NOX4: variants seen among roughly 807,000 people sequenced by gnomAD.
The protein encoded by NOX4 is NADPH oxidase 4.
In NOX4, 69 loss-of-function variants were observed where a neutral mutation model predicts 87.6. The observed-to-expected ratio is 0.79, with a 90% CI of 0.65 to 0.96. NOX4 has a LOEUF of 0.96. NOX4 is among the 40% of genes least tolerant of loss of function. NOX4 has a pLI of 0.00. For synonymous variants in NOX4, 275 were observed against 238.2 expected (o/e 1.15, Z -1.42); for missense variants, 680 against 681.5 (o/e 1.00, Z 0.02).
chr11:89,337,581 T>C (rs1338436599), intron 15 of NOX4, 66 bp from the exon 16 acceptor site: 55 of 1,592,340 alleles, frequency 3.5e-5, no homozygotes, highest in Non-Finnish European at 4.4e-5. Context: ...TTTCTCCTAT[T>C]CTAACATACT....
At chr11:89,539,250 G>A in the NOX4 span, among the ~76,000 whole-genome samples, 19 of 152,018 alleles carry the variant, frequency 1.2e-4, no homozygotes, top group African/African-American at 4.1e-4. Flanking sequence ...TGGCTAACAC[G>A]ATGAAAACCC....
intron 8 of NOX4, among the ~76,000 whole-genome samples, chr11:89,413,717 T>C (rs1039704569): frequency 6.6e-6 from 1 of 152,018 alleles, no homozygotes; most frequent in Non-Finnish European, 1.5e-5. Context: ...GTTATAAAAA[T>C]ATAATTAGAT....
intron 11 of NOX4, among the ~76,000 whole-genome samples, chr11:89,375,707 A>G (rs1310358384): frequency 2.0e-5 from 3 of 152,182 alleles, no homozygotes; most frequent in Admixed American, 1.3e-4. Flanking sequence ...ATTTAACTAT[A>G]TACTACTGAA....
chr11:89,460,913 G>A (rs372141299), intron 2 of NOX4, among the ~76,000 whole-genome samples: 180 of 152,254 alleles, frequency 1.2e-3, no homozygotes, highest in South Asian at 9.3e-3. Flanking sequence ...CAACCCAAAT[G>A]TCCAACAATG....
chr11:89,356,585 T>C (rs1054992164), intron 12 of NOX4, among the ~76,000 whole-genome samples: 2 of 152,132 alleles, frequency 1.3e-5, no homozygotes, highest in African/African-American at 4.8e-5. Flanking sequence ...ATCCCTCCAT[T>C]ACTTTTTTGT....
chr11:89,361,602 T>C (rs188668299), intron 12 of NOX4, among the ~76,000 whole-genome samples: 11 of 151,956 alleles, frequency 7.2e-5, no homozygotes, highest in African/African-American at 1.4e-4. Flanking sequence ...CCAAAAACTA[T>C]TGAAACAAAA....
chr11:89,570,692 G>A, the NOX4 span, among the ~76,000 whole-genome samples: 2 of 152,194 alleles, frequency 1.3e-5, no homozygotes, highest in African/African-American at 4.8e-5. Flanking sequence ...TTCATCAGGT[G>A]TGGTGGTGCA....
the NOX4 span, among the ~76,000 whole-genome samples, chr11:89,526,896 GA>G: frequency 6.6e-6 from 1 of 152,190 alleles, no homozygotes; most frequent in Non-Finnish European, 1.5e-5. Flanking sequence ...AGTGACTTTG[GA>G]AGTGTGTAAC....
chr11:89,418,820 A>T (rs1345682963), intron 8 of NOX4, among the ~76,000 whole-genome samples: 1 of 152,016 alleles, frequency 6.6e-6, no homozygotes, highest in Non-Finnish European at 1.5e-5. Context: ...CTTGATCAAG[A>T]TATCTTTTCA....
chr11:89,554,344 T>C, the NOX4 span, among the ~76,000 whole-genome samples: 3 of 152,134 alleles, frequency 2.0e-5, no homozygotes, highest in Non-Finnish European at 4.4e-5. Context: ...TTGAGTTTTA[T>C]ATTCCATCCT....
At chr11:89,440,514 G>A (rs981795061) in intron 6 of NOX4, among the ~76,000 whole-genome samples, 174 bp downstream of exon 6, 2 of 151,768 alleles carry the variant, frequency 1.3e-5, no homozygotes, top group East Asian at 3.9e-4. Flanking sequence ...TAGTAGAGAT[G>A]GGGTTTCATC....
chr11:89,366,702 A>G (rs1426111261), intron 12 of NOX4, among the ~76,000 whole-genome samples: 1 of 38,954 alleles, frequency 2.6e-5, no homozygotes, highest in African/African-American at 6.2e-4. Context: ...ACTGAAAAGA[A>G]AAAAAAAAAA....
At chr11:89,492,893 A>C (rs76042262), upstream of NOX4, among the ~76,000 whole-genome samples, 340 of 152,310 alleles carry the variant, frequency 2.2e-3, no homozygotes, top group Middle Eastern at 6.8e-3. Context: ...AGAATAGTAA[A>C]ATAAGAGACC....
intron 11 of NOX4, among the ~76,000 whole-genome samples, chr11:89,384,582 C>T (rs552433012): frequency 1.3e-5 from 2 of 152,252 alleles, no homozygotes; most frequent in South Asian, 2.1e-4. Flanking sequence ...CCTGACTAAA[C>T]CATTATATAA....
chr11:89,502,291 T>C (rs1055649616), upstream of NOX4, among the ~76,000 whole-genome samples: 12 of 152,056 alleles, frequency 7.9e-5, no homozygotes, highest in Non-Finnish European at 1.6e-4. Flanking sequence ...CTCAGCTAGA[T>C]GCAACATTTT....
Position 89,326,569 on chromosome 11 carries a change from G to T in NOX4, c.*187C>A. 2.2e-6 allele frequency: 1 copy of T among 451,778 alleles called. No individual in the cohort carries two copies. Among genetic ancestry groups the T allele is most frequent in the East Asian group, 3.7e-5 (1 of 27,032 alleles). The allele number at this position is 451,778 out of a possible 1,614,324, so 28.0% of individuals were successfully genotyped here. A position where few individuals can be genotyped will look rare whatever the true frequency, so the allele number is the denominator to read the frequency against. ...TCAAATATTCTTCAGGGTCTCTTTG[G>T]TTTCCAGATTAAACATGTAATGTGA... On this transcript the variant is annotated 3_prime_UTR_variant, in exon 18 of 18. Coordinates refer to ENST00000263317, the MANE Select transcript of NOX4 (RefSeq NM_016931.5).
chr11:89,360,906 C>T (rs949546785), intron 12 of NOX4, among the ~76,000 whole-genome samples: 12 of 151,984 alleles, frequency 7.9e-5, no homozygotes, highest in African/African-American at 2.7e-4. Context: ...GAGATGCTAC[C>T]TTACTACTGC....
At chr11:89,462,574 T>C (rs916863819) in intron 2 of NOX4, among the ~76,000 whole-genome samples, 68 of 152,172 alleles carry the variant, frequency 4.5e-4, no homozygotes, top group African/African-American at 1.6e-3. Context: ...ATTATACATA[T>C]ATAGATGGCA....
the NOX4 span, among the ~76,000 whole-genome samples, chr11:89,544,941 CAAA>C: frequency 7.2e-5 from 11 of 151,948 alleles, no homozygotes; most frequent in African/African-American, 2.7e-4. Context: ...AACAAACAAA[CAAA>C]AAACTCGGTA....
Sources: gnomAD v4.1 joint callset for allele counts (sites outside exome capture counted in the v4.1 genomes callset) on GRCh38, gnomAD v4.1.1 for gene constraint, MANE v1.5 for transcripts, NCBI Gene and HGNC (gene_info 2026-07-23, HGNC 2026-07-21) for gene names.